Variants in SCFD2 observed in about 807,000 individuals in gnomAD.
The protein encoded by SCFD2 is sec1 family domain containing 2, also known as sec1 family domain-containing protein 2.
Under a neutral mutation model 58.9 loss-of-function variants are expected in SCFD2, and 54 were observed. The ratio of observed to expected loss-of-function variants is 0.92; its 90% CI spans 0.74 to 1.15. The LOEUF is 1.15. SCFD2 is among the 50% of genes most tolerant of loss of function. The probability of loss-of-function intolerance (pLI) is 0.00; values close to 1 mark genes in which losing one functional copy is unlikely to be tolerated. For missense variants in SCFD2, 805 were observed against 836.6 expected, an observed-to-expected ratio of 0.96 and a Z score of 0.47; for synonymous variants, 321 against 335.9, an observed-to-expected ratio of 0.96 and a Z score of 0.49.
chr4:53,035,838 G>T (rs907600915), intron 5 of SCFD2, among the ~76,000 whole-genome samples: 17 of 152,148 alleles, frequency 1.1e-4, no homozygotes, highest in African/African-American at 3.9e-4. Context: ...AGATACTGGG[G>T]AGGGTGTGGA....
intron 5 of SCFD2, among the ~76,000 whole-genome samples, chr4:53,117,148 C>A (rs961511562): frequency 6.6e-6 from 1 of 152,156 alleles, no homozygotes; most frequent in Non-Finnish European, 1.5e-5. Flanking sequence ...TTCCAGACCA[C>A]GCTGACTCCT....
chr4:53,213,368 A>G (rs1187873618), intron 4 of SCFD2, among the ~76,000 whole-genome samples: 1 of 152,160 alleles, frequency 6.6e-6, no homozygotes, highest in Non-Finnish European at 1.5e-5. Context: ...GTAATAGAGT[A>G]GAAAAAAATG....
At chr4:53,237,744 G>T (rs866593737) in intron 4 of SCFD2, among the ~76,000 whole-genome samples, 20 of 96,882 alleles carry the variant, frequency 2.1e-4, no homozygotes, top group African/African-American at 3.7e-4. Context: ...CTCACCTCCC[G>T]GACGGGGCGG....
At chr4:52,913,795 G>C (rs186520163) in intron 6 of SCFD2, among the ~76,000 whole-genome samples, 239 of 152,310 alleles carry the variant, frequency 1.6e-3, no homozygotes, top group Admixed American at 5.7e-3. Context: ...ATGAATGAGA[G>C]AGAGAGTATG....
At chr4:52,882,197 T>C (rs891098373) in intron 8 of SCFD2, among the ~76,000 whole-genome samples, 3 of 152,142 alleles carry the variant, frequency 2.0e-5, no homozygotes, top group Admixed American at 1.3e-4. Context: ...CAGGAACTGA[T>C]GATATTCAGT....
intron 4 of SCFD2, among the ~76,000 whole-genome samples, chr4:53,155,189 G>A (rs1454550876): frequency 3.3e-5 from 5 of 152,160 alleles, no homozygotes; most frequent in Admixed American, 6.5e-5. Flanking sequence ...TCTGGTACAC[G>A]GTGGTAGGAT....
chr4:53,248,523 G>A (rs1396978724), intron 4 of SCFD2, among the ~76,000 whole-genome samples: 1 of 152,202 alleles, frequency 6.6e-6, no homozygotes, highest in African/African-American at 2.4e-5. Flanking sequence ...AAATGTCCCT[G>A]TCTGACAGCT....
intron 5 of SCFD2, among the ~76,000 whole-genome samples, chr4:52,940,935 C>T (rs1474501433): frequency 6.6e-6 from 1 of 152,140 alleles, no homozygotes; most frequent in Non-Finnish European, 1.5e-5. Context: ...TGATCCTGTG[C>T]CTGGTAAACT....
chr4:52,920,996 AT>A, intron 5 of SCFD2, 126 bp from the exon 6 acceptor site: 1 of 441,998 alleles, frequency 2.3e-6, no homozygotes, highest in Non-Finnish European at 3.7e-6. Flanking sequence ...TATTATTGTT[AT>A]TTTTTACCCT....
At chr4:53,108,433 C>CT (rs767505961) in intron 5 of SCFD2, among the ~76,000 whole-genome samples, 9 of 151,532 alleles carry the variant, frequency 5.9e-5, no homozygotes, top group Admixed American at 4.0e-4. Context: ...CCAGGAGGTG[C>CT]TTTTTTTAAA....
At chr4:53,044,493 C>A (rs1489494702) in intron 5 of SCFD2, among the ~76,000 whole-genome samples, 3 of 141,324 alleles carry the variant, frequency 2.1e-5, no homozygotes, top group African/African-American at 6.1e-5. Context: ...ACAGGAACTT[C>A]CTTCCTTCCT....
rs1232572166 is a variant in SCFD2 at position 53,258,530 on chromosome 4, GTGTGTGTGTATATATATATATATA to G, written c.1311+15272_1311+15295del. On this transcript the variant is annotated intron_variant, in intron 4 of 8. Coordinates refer to ENST00000401642, the MANE Select transcript of SCFD2 (RefSeq NM_152540.4). ...TTTTATGGCTAAGTCGTATTCCATG[GTGTGTGTGTATATATATATATATA>G]TATATATATATATATATATATATAC... Among the ~76,000 whole-genome samples the G allele has an allele frequency of 2.8e-5, 3 of 105,370 alleles. No individual in the cohort carries two copies. In the East Asian group the frequency reaches 8.3e-4, roughly 29 times the overall value. 69.1% of individuals were successfully genotyped at this position (105,370 alleles called of 152,430 possible).
intron 5 of SCFD2, among the ~76,000 whole-genome samples, chr4:52,929,323 A>G (rs1177732366): frequency 2.0e-5 from 3 of 152,190 alleles, no homozygotes; most frequent in African/African-American, 7.2e-5. Context: ...TGTAATTTTT[A>G]TATGTATCAG....
At chr4:53,099,270 G>A (rs1724759211) in intron 5 of SCFD2, among the ~76,000 whole-genome samples, 1 of 152,190 alleles carries the variant, frequency 6.6e-6, no homozygotes, top group South Asian at 2.1e-4. Context: ...TTTGTCACAT[G>A]AGGTCACAAA....
chr4:52,919,015 AG>A (rs1258752090), intron 6 of SCFD2, among the ~76,000 whole-genome samples: 6 of 152,274 alleles, frequency 3.9e-5, no homozygotes, highest in Non-Finnish European at 1.5e-5. Flanking sequence ...GACTATTGTA[AG>A]GGGGGACATA....
chr4:53,033,496 C>G (rs533457441), intron 5 of SCFD2, among the ~76,000 whole-genome samples: 2 of 151,836 alleles, frequency 1.3e-5, no homozygotes, highest in Non-Finnish European at 2.9e-5. Context: ...GATAGAGACA[C>G]GAAAAATCCT....
At chr4:52,993,174 T>C (rs1721661968) in intron 5 of SCFD2, among the ~76,000 whole-genome samples, 1 of 152,070 alleles carries the variant, frequency 6.6e-6, no homozygotes, top group Admixed American at 6.5e-5. Flanking sequence ...ATGTGCTTTG[T>C]TAAACAGATG....
intron 5 of SCFD2, among the ~76,000 whole-genome samples, chr4:53,014,495 C>T (rs1357429291): frequency 1.3e-5 from 2 of 152,208 alleles, no homozygotes; most frequent in Non-Finnish European, 1.5e-5. Flanking sequence ...TCTTAGTTTT[C>T]CTTTGCAATA....
chr4:53,167,966 G>A lies in SCFD2; in HGVS notation c.1312-22384C>T, dbSNP rs183346280. Among the ~76,000 whole-genome samples the A allele has an allele frequency of 3.4e-3, 521 of 152,194 alleles. 4 individuals are homozygous for A. The highest frequency in any genetic ancestry group is 3.4e-3 in the Middle Eastern group (1 of 292). ...GTAATATGAGGCTGGATATTATGAC[G>A]GACCCTCTTGCTACAATAATATATA... On this transcript the variant is annotated intron_variant, in intron 4 of 8. Coordinates refer to ENST00000401642, the MANE Select transcript of SCFD2 (RefSeq NM_152540.4).
Sources: gnomAD v4.1 joint callset for allele counts (sites outside exome capture counted in the v4.1 genomes callset) on GRCh38, gnomAD v4.1.1 for gene constraint, MANE v1.5 for transcripts, NCBI Gene and HGNC (gene_info 2026-07-23, HGNC 2026-07-21) for gene names.